Variants in PABPC4L observed in about 807,000 individuals in gnomAD.
PABPC4L encodes the protein polyadenylate-binding protein 4-like.
For synonymous variants in PABPC4L, 169 were observed against 164.1 expected, an observed-to-expected ratio of 1.03 and a Z score of -0.23; for missense variants, 452 against 451.4, an observed-to-expected ratio of 1.00 and a Z score of -0.01.
At chr4:134,086,720 CTTT>C in the PABPC4L span, among the ~76,000 whole-genome samples, 2 of 115,634 alleles carry the variant, frequency 1.7e-5, no homozygotes, top group Admixed American at 8.5e-5. Context: ...GCTTGAAAGT[CTTT>C]TTTTTTTTTT....
chr4:134,061,596 C>A, the PABPC4L span, among the ~76,000 whole-genome samples: 1 of 146,602 alleles, frequency 6.8e-6, no homozygotes, highest in Non-Finnish European at 1.5e-5. Context: ...ATATAATACA[C>A]ATACACACAA....
At chr4:134,008,352 T>C in the PABPC4L span, among the ~76,000 whole-genome samples, 1 of 151,838 alleles carries the variant, frequency 6.6e-6, no homozygotes, top group Non-Finnish European at 1.5e-5. Context: ...GGATTATAGA[T>C]GTCTTGCCAC....
At chr4:134,005,367 T>C in the PABPC4L span, among the ~76,000 whole-genome samples, 2 of 152,006 alleles carry the variant, frequency 1.3e-5, no homozygotes, top group African/African-American at 4.8e-5. Flanking sequence ...ATTTTTATCT[T>C]TTATTAGTAC....
the PABPC4L span, among the ~76,000 whole-genome samples, chr4:134,102,100 C>G: frequency 6.6e-6 from 1 of 151,304 alleles, no homozygotes; most frequent in Non-Finnish European, 1.5e-5. Context: ...TGCCATTCCT[C>G]TCATTTAAAA....
At chr4:134,079,181 A>T in the PABPC4L span, among the ~76,000 whole-genome samples, 2 of 150,812 alleles carry the variant, frequency 1.3e-5, no homozygotes, top group Non-Finnish European at 3.0e-5. Context: ...CATATTGGCC[A>T]GGCTGGTCTC....
chr4:134,188,817 C>T, the PABPC4L span, among the ~76,000 whole-genome samples: 1 of 152,018 alleles, frequency 6.6e-6, no homozygotes, highest in East Asian at 1.9e-4. Context: ...TCAGTGCTCT[C>T]GGAGCTTCCA....
At chr4:133,984,436 T>A in the PABPC4L span, among the ~76,000 whole-genome samples, 4 of 151,878 alleles carry the variant, frequency 2.6e-5, no homozygotes, top group Non-Finnish European at 5.9e-5. Flanking sequence ...AAATGGCATT[T>A]TTTCACTTTG....
Position 134,199,996 on chromosome 4 carries a change from G to A in PABPC4L, c.1024C>T (p.Pro342Ser), listed in dbSNP as rs1441240981. Residue 342 changes from proline to serine, a missense_variant, in exon 2 of 2, where the codon CCT becomes TCT. Physicochemically the swap from Pro to Ser is moderately conservative, Grantham distance 74. Coordinates refer to ENST00000421491, the MANE Select transcript of PABPC4L (RefSeq NM_001114734.2). ...KGFGLICFSSPEDATKAMTEM... is the reference protein window; with the variant it reads ...KGFGLICFSSSEDATKAMTEM... ...GTCATTGCTTTAGTAGCATCCTCAG[G>A]AGAGGAGAAGCAGATCAAGCCAAAC... is the stretch of plus-strand genomic sequence containing the variant. 1.9e-6 allele frequency: 3 copies of A among 1,551,512 alleles called. No individual in the cohort carries two copies. Among genetic ancestry groups the A allele is most frequent in the South Asian group, 2.4e-5 (2 of 84,060 alleles).
At chr4:134,082,816 T>A in the PABPC4L span, among the ~76,000 whole-genome samples, 4 of 152,044 alleles carry the variant, frequency 2.6e-5, no homozygotes, top group South Asian at 2.1e-4. Context: ...AAAAAAAAAA[T>A]TATCCCTCAA....
At chr4:134,061,623 AG>A in the PABPC4L span, among the ~76,000 whole-genome samples, 1 of 11,292 alleles carries the variant, frequency 8.9e-5, no homozygotes, top group Non-Finnish European at 1.4e-4. Flanking sequence ...ACATACACAG[AG>A]AGAGAGAGAG....
chr4:134,092,986 A>G, the PABPC4L span, among the ~76,000 whole-genome samples: 2 of 151,998 alleles, frequency 1.3e-5, no homozygotes, highest in Non-Finnish European at 2.9e-5. Flanking sequence ...CTAGCGAATT[A>G]CTCATTTTTA....
chr4:134,178,423 C>T, the PABPC4L span, among the ~76,000 whole-genome samples: 3 of 138,972 alleles, frequency 2.2e-5, no homozygotes, highest in Non-Finnish European at 4.7e-5. Flanking sequence ...GCTGAACAAA[C>T]ATCAGCCCAC....
the PABPC4L span, among the ~76,000 whole-genome samples, chr4:134,079,578 C>CAAAAAAAAAAAAAAAA: frequency 1.1e-5 from 1 of 90,696 alleles, no homozygotes; most frequent in African/African-American, 4.1e-5. Flanking sequence ...GACTTCCTCT[C>CAAAAAAAAAAAAAAAA]AAAAAAAAAA....
At chr4:133,973,088 C>T in the PABPC4L span, among the ~76,000 whole-genome samples, 1 of 151,954 alleles carries the variant, frequency 6.6e-6, no homozygotes, top group African/African-American at 2.4e-5. Context: ...ATCTAGGTAG[C>T]CAACAAGTTT....
the PABPC4L span, among the ~76,000 whole-genome samples, chr4:134,030,647 A>T: frequency 6.6e-6 from 1 of 152,042 alleles, no homozygotes; most frequent in Admixed American, 6.6e-5. Context: ...ATAATTCTTG[A>T]CATTTTGCTG....
At chr4:133,972,395 G>A in the PABPC4L span, among the ~76,000 whole-genome samples, 1 of 151,984 alleles carries the variant, frequency 6.6e-6, no homozygotes, top group African/African-American at 2.4e-5. Flanking sequence ...AGCAAATACT[G>A]TTATGTGTCA....
At chr4:134,141,232 A>C in the PABPC4L span, among the ~76,000 whole-genome samples, 1 of 151,578 alleles carries the variant, frequency 6.6e-6, no homozygotes, top group Admixed American at 6.6e-5. Context: ...AACCAGTACC[A>C]CCACCCCTGT....
the PABPC4L span, among the ~76,000 whole-genome samples, chr4:134,011,502 C>G: frequency 6.6e-6 from 1 of 151,974 alleles, no homozygotes; most frequent in South Asian, 2.1e-4. Context: ...TCAACATTTT[C>G]TTTTTCTAAG....
chr4:134,149,982 T>C, the PABPC4L span, among the ~76,000 whole-genome samples: 1 of 152,082 alleles, frequency 6.6e-6, no homozygotes, highest in South Asian at 2.1e-4. Context: ...GGCCCAGGAA[T>C]ATTTACCAGT....
Sources: gnomAD v4.1 joint callset for allele counts (sites outside exome capture counted in the v4.1 genomes callset) on GRCh38, gnomAD v4.1.1 for gene constraint, MANE v1.5 for transcripts, NCBI Gene and HGNC (gene_info 2026-07-23, HGNC 2026-07-21) for gene names.